Variants in CACNA1C observed in about 807,000 individuals in gnomAD.
The protein encoded by CACNA1C is calcium voltage-gated channel subunit alpha1 C, also known as voltage-dependent L-type calcium channel subunit alpha-1C.
In CACNA1C, 30 loss-of-function variants were observed where a neutral mutation model predicts 229.0. The observed-to-expected ratio is 0.13, with a 90% CI of 0.10 to 0.18. The LOEUF is 0.18. Among genes scored for constraint, CACNA1C ranks in the 10% least tolerant of loss-of-function variants. CACNA1C has a pLI of 1.00. For missense variants in CACNA1C, 1,658 were observed against 2,845.0 expected (o/e 0.58, Z 9.49); for synonymous variants, 1,114 against 1,132.5 (o/e 0.98, Z 0.33).
At chr12:2,089,728 T>C (rs1186105487) in intron 1 of CACNA1C, among the ~76,000 whole-genome samples, 1 of 152,210 alleles carries the variant, frequency 6.6e-6, no homozygotes, top group African/African-American at 2.4e-5. Flanking sequence ...TCTCCAGAAC[T>C]TTTTCATCTT....
intron 1 of CACNA1C, among the ~76,000 whole-genome samples, chr12:2,088,283 G>A (rs1325126782): frequency 6.6e-6 from 1 of 152,218 alleles, no homozygotes; most frequent in Non-Finnish European, 1.5e-5. Flanking sequence ...GCCTCTCCTA[G>A]TGAGGGCTGA....
At position 2,693,248 on chromosome 12, in the gene CACNA1C, A is replaced by G. The variant is rs2097805990; in HGVS notation, c.*2049A>G. The G allele has an allele frequency of 6.6e-6, 1 of 152,080 alleles. No individual in the cohort carries two copies. Among genetic ancestry groups the G allele is most frequent in the Non-Finnish European group, 1.5e-5 (1 of 68,018 alleles). 9.4% of individuals were successfully genotyped at this position (152,080 alleles called of 1,614,324 possible). On this transcript the variant is annotated 3_prime_UTR_variant, in exon 47 of 47. Transcript: ENST00000399655. ...GGTACTTCTCCAAGAACAGCCCTTC[A>G]CTGTGAGGTGCAGGGAGGCGTTCTG...
At chr12:2,218,008 G>C (rs1184085735) in intron 3 of CACNA1C, 1 of 152,142 alleles carries the variant, frequency 6.6e-6, no homozygotes, top group Non-Finnish European at 1.5e-5. Context: ...ACTTAGGAGA[G>C]AGCTTCGGAG....
chr12:1,986,162 T>C (rs2037715316), intron 1 of CACNA1C, among the ~76,000 whole-genome samples: 1 of 152,340 alleles, frequency 6.6e-6, no homozygotes, highest in African/African-American at 2.4e-5. Flanking sequence ...CATATACTAG[T>C]CTGAATTTGG....
chr12:2,241,786 G>A (rs2070425680), intron 3 of CACNA1C, among the ~76,000 whole-genome samples: 1 of 152,244 alleles, frequency 6.6e-6, no homozygotes, highest in African/African-American at 2.4e-5. Context: ...GCCATAAAGT[G>A]GAGATTTTTT....
chr12:2,294,509 G>A lies in CACNA1C; in HGVS notation c.478-154467G>A, dbSNP rs1013658767. Among the ~76,000 whole-genome samples the A allele has an allele frequency of 1.1e-4, 16 of 152,156 alleles. No homozygotes were observed. In the South Asian group the frequency reaches 3.1e-3, roughly 30 times the overall value. ...CCTGGGGCAGTGGAGAGTGAGGGGC[G>A]GGGGAGGCTGGCCAGGAACCATCGC... is the stretch of plus-strand genomic sequence containing the variant. On this transcript the variant is annotated intron_variant, in intron 3 of 46. Coordinates refer to ENST00000399655, the MANE Select transcript of CACNA1C (RefSeq NM_000719.7).
At chr12:2,125,780 A>T (rs1596517804) in intron 3 of CACNA1C, among the ~76,000 whole-genome samples, 1 of 152,094 alleles carries the variant, frequency 6.6e-6, no homozygotes. Context: ...GATTGGATCC[A>T]CCTTCAGCTC....
chr12:2,459,479 T>A (rs1322649691), intron 5 of CACNA1C, among the ~76,000 whole-genome samples: 10 of 152,164 alleles, frequency 6.6e-5, no homozygotes, highest in Admixed American at 6.5e-4. Flanking sequence ...GCAGTGGGAC[T>A]CCCTGGGCAA....
At chr12:2,546,722 C>A (rs2099881916) in intron 9 of CACNA1C, among the ~76,000 whole-genome samples, 1 of 152,258 alleles carries the variant, frequency 6.6e-6, no homozygotes, top group Non-Finnish European at 1.5e-5. Context: ...TATTTACAAA[C>A]TTCCTCAAAT....
chr12:2,409,421 G>A (rs2098780216), intron 3 of CACNA1C, among the ~76,000 whole-genome samples: 1 of 152,222 alleles, frequency 6.6e-6, no homozygotes, highest in African/African-American at 2.4e-5. Flanking sequence ...AAAGTCAAGA[G>A]CACCGTCAGA....
chr12:2,124,191 T>C (rs1389515005), intron 3 of CACNA1C, among the ~76,000 whole-genome samples: 1 of 151,732 alleles, frequency 6.6e-6, no homozygotes, highest in East Asian at 1.9e-4. Flanking sequence ...ATAGGCACTA[T>C]GATTAATAGG....
At chr12:2,442,646 T>C (rs2099240221) in intron 3 of CACNA1C, among the ~76,000 whole-genome samples, 1 of 152,054 alleles carries the variant, frequency 6.6e-6, no homozygotes, top group Non-Finnish European at 1.5e-5. Context: ...GGGTAATGTA[T>C]AAGAAAAGAG....
At chr12:2,675,374 CA>C (rs1237061370) in intron 39 of CACNA1C, among the ~76,000 whole-genome samples, 1 of 152,122 alleles carries the variant, frequency 6.6e-6, no homozygotes, top group East Asian at 1.9e-4. Flanking sequence ...GGAAACAAGA[CA>C]ATACTGAATA....
At chr12:2,568,876 A>G (rs1235313148) in intron 13 of CACNA1C, among the ~76,000 whole-genome samples, 1 of 152,188 alleles carries the variant, frequency 6.6e-6, no homozygotes, top group African/African-American at 2.4e-5. Flanking sequence ...GTTTAAAAAA[A>G]AAGGTTAAGA....
chr12:2,619,241 A>G (rs1254096095), intron 29 of CACNA1C, among the ~76,000 whole-genome samples: 1 of 152,200 alleles, frequency 6.6e-6, no homozygotes, highest in Non-Finnish European at 1.5e-5. Context: ...AGACTGCCTT[A>G]GCATACTGTG....
chr12:2,270,728 G>A (rs745934845), intron 3 of CACNA1C, among the ~76,000 whole-genome samples: 2 of 152,184 alleles, frequency 1.3e-5, no homozygotes, highest in Non-Finnish European at 2.9e-5. Context: ...AGTAGGGCTC[G>A]TGGTCCTCAA....
rs1027363350 is a variant in CACNA1C at position 2,152,877 on chromosome 12, C to T, written c.477+32447C>T. On this transcript the variant is annotated intron_variant, in intron 3 of 46. Transcript: ENST00000399655. The surrounding 1 kb of genome is among the most constrained non-coding windows in gnomAD (Gnocchi z 4.2). ...AAAGATTGGTAGGTCCCACTGGTCC[C>T]GAGTGTCCTACGGCCCTTTATATTG... Among the ~76,000 whole-genome samples, 6 of 152,116 alleles carry T rather than the reference C, an allele frequency of 3.9e-5. No homozygotes were observed. The highest frequency in any genetic ancestry group is 2.1e-4 in the South Asian group (1 of 4,820).
At position 2,271,202 on chromosome 12, in the gene CACNA1C, G is replaced by A. The variant is rs553094161; in HGVS notation, c.477+150772G>A. ...GTGGGATCCAGTTCATGGCTTCCAG[G>A]GCCAATTTGGGTGAAATTCAGTTGT... On this transcript the variant is annotated intron_variant, in intron 3 of 46. Transcript: ENST00000399655. 1.1e-4 allele frequency among the ~76,000 whole-genome samples: 16 copies of A among 152,220 alleles called. No homozygotes were observed. In the South Asian group the frequency reaches 3.3e-3, roughly 32 times the overall value.
chr12:2,581,877 C>T, intron 14 of CACNA1C, 80 bp downstream of exon 14: 1 of 870,016 alleles, frequency 1.1e-6, no homozygotes, highest in Non-Finnish European at 1.9e-6. Context: ...GAAGCTGCAC[C>T]CTTTTACCGG....
Sources: allele counts gnomAD v4.1 joint callset (sites outside exome capture counted in the v4.1 genomes callset), GRCh38; gene constraint gnomAD v4.1.1; non-coding constraint Gnocchi (gnomAD v3.1); transcripts MANE v1.5; gene names NCBI Gene and HGNC (gene_info 2026-07-23, HGNC 2026-07-21).